The following SRP68 variants were observed in gnomAD, a reference collection of about 807,000 sequenced individuals.
The protein encoded by SRP68 is signal recognition particle subunit SRP68.
Under a neutral mutation model 82.2 loss-of-function variants are expected in SRP68, and 15 were observed. The ratio of observed to expected loss-of-function variants is 0.18; its 90% CI spans 0.12 to 0.28. The LOEUF is 0.28. Among genes scored for constraint, SRP68 ranks in the 10% least tolerant of loss-of-function variants. The pLI is 1.00. For missense variants in SRP68, 595 were observed against 780.5 expected (o/e 0.76, Z 2.83); for synonymous variants, 261 against 292.6 (o/e 0.89, Z 1.10).
In SRP68 at chr17:76,060,320, A is replaced by G. The variant is rs760283416; in HGVS notation, c.825T>C (p.Ala275=). ...LRSGGTEGLL[A]EKLEALITQT... Reference sequence around the variant, plus strand: ...CATACTAGATTACCTCCAATTTTTCAGCCAAGAGACCCTCAGTGCCCCCAG... The same window carrying G: ...CATACTAGATTACCTCCAATTTTTCGGCCAAGAGACCCTCAGTGCCCCCAG... The change falls in exon 7 of 16, where the codon GCT becomes GCC. Residue 275 remains alanine, a synonymous_variant. Coordinates refer to ENST00000307877, the MANE Select transcript of SRP68 (RefSeq NM_014230.4). 3 of 1,609,964 alleles carry G rather than the reference A, an allele frequency of 1.9e-6. No individual in the cohort carries two copies. The highest frequency in any genetic ancestry group is 2.5e-6 in the Non-Finnish European group (3 of 1,178,760).
At chr17:76,052,976 A>G (rs957526661) in intron 8 of SRP68, among the ~76,000 whole-genome samples, 1 of 148,368 alleles carries the variant, frequency 6.7e-6, no homozygotes, top group Non-Finnish European at 1.5e-5. Context: ...AGAAACACAC[A>G]TGGCGTCGGA....
intron 2 of SRP68, among the ~76,000 whole-genome samples, chr17:76,068,325 C>T (rs1006035437): frequency 6.7e-6 from 1 of 150,270 alleles, no homozygotes; most frequent in Non-Finnish European, 1.5e-5. Context: ...GCATGGCGGG[C>T]GGGCGCCTAT....
At chr17:76,055,115 C>G (rs1224112638) in intron 8 of SRP68, among the ~76,000 whole-genome samples, 1 of 151,662 alleles carries the variant, frequency 6.6e-6, no homozygotes, top group Admixed American at 6.6e-5. Flanking sequence ...TACCACCACA[C>G]CCGGCTAATT....
Position 76,041,061 on chromosome 17 carries a change from A to G in SRP68, c.1525-83T>C. 4 of 1,066,378 alleles carry G rather than the reference A, an allele frequency of 3.8e-6. No homozygotes were observed. In the South Asian group the frequency reaches 4.0e-5, roughly 11 times the overall value. The allele number at this position is 1,066,378 out of a possible 1,614,324, so 66.1% of individuals were successfully genotyped here. ...AAGCTAACCCGAGTTAACCGACCCC[A>G]CTGGTATTTTCACAGGACTTTAGAC... On this transcript the variant is annotated intron_variant, in intron 13 of 15. Transcript: ENST00000307877.
intron 14 of SRP68, 28 bp downstream of exon 14, chr17:76,040,875 G>A: frequency 6.2e-7 from 1 of 1,609,500 alleles, no homozygotes; most frequent in East Asian, 2.2e-5. Context: ...GGAAGTCTGG[G>A]GATACAAAGG....
At chr17:76,050,596 C>G (rs1049868586) in intron 8 of SRP68, 70 bp from the exon 9 acceptor site, 1 of 1,045,730 alleles carries the variant, frequency 9.6e-7, no homozygotes, top group Non-Finnish European at 1.5e-6. Flanking sequence ...GGGAGAGGAG[C>G]AAAATCGCAC....
At chr17:76,039,975 G>A (rs779573866) in intron 15 of SRP68, 42 bp from the exon 16 acceptor site, 2 of 1,590,822 alleles carry the variant, frequency 1.3e-6, no homozygotes, top group Admixed American at 3.5e-5. Flanking sequence ...ATCGGTCACA[G>A]AACACCCTTG....
In SRP68 at chr17:76,067,930, T is replaced by G. The variant is rs146195618; in HGVS notation, c.252-600A>C. Among the ~76,000 whole-genome samples the G allele has an allele frequency of 6.6e-5, 10 of 152,162 alleles. No homozygotes were observed. In the East Asian group the frequency reaches 1.9e-3, roughly 29 times the overall value. On this transcript the variant is annotated intron_variant, in intron 2 of 15. Transcript: ENST00000307877. ...CCAAGAAAACAAGGCAAATGTCAAG[T>G]TGAAAGGACATGGGTAATCATTCTC... is the stretch of plus-strand genomic sequence containing the variant.
rs2066771286 is a variant in SRP68, at chr17:76,062,716, T to TAC, written c.562-1143_562-1142insGT. Among the ~76,000 whole-genome samples, 4 of 54,364 alleles carry TAC rather than the reference T, an allele frequency of 7.4e-5. 2 individuals are homozygous for TAC. Among genetic ancestry groups the TAC allele is most frequent in the African/African-American group, 6.0e-4 (4 of 6,612 alleles). The allele number at this position is 54,364 out of a possible 152,430, so 35.7% of individuals were successfully genotyped here. A position where few individuals can be genotyped will look rare whatever the true frequency, so the allele number is the denominator to read the frequency against. On this transcript the variant is annotated intron_variant, in intron 4 of 15. Transcript: ENST00000307877. ...ATTATATATTGTATATTATACAATATATTATATTTATTTTATATATATATA... is the reference window on the plus strand; with the variant it reads ...ATTATATATTGTATATTATACAATATACATTATATTTATTTTATATATATATA...
At position 76,046,085 on chromosome 17, in the gene SRP68, A is replaced by G. The variant is rs56276889; in HGVS notation, c.1252T>C (p.Ser418Pro). 3 of 1,613,784 alleles carry G rather than the reference A, an allele frequency of 1.9e-6. No homozygotes were observed. The highest frequency in any genetic ancestry group is 2.5e-6 in the Non-Finnish European group (3 of 1,179,868). Residue 418 changes from serine to proline, a missense_variant, in exon 11 of 16, where the codon TCA becomes CCA. Ser to Pro is a moderately conservative substitution (Grantham distance 74, BLOSUM62 -1). Transcript: ENST00000307877. ...QQQPEDDSKR[S>P]PRPQDLIRLY... ...CGGATCAGGTCCTGGGGCCGGGGTG[A>G]GCGCTTGCTGTCATCCTCTGGCTGC...
intron 3 of SRP68, among the ~76,000 whole-genome samples, chr17:76,065,667 G>C (rs1003171944): frequency 6.6e-6 from 1 of 151,976 alleles, no homozygotes; most frequent in African/African-American, 2.4e-5. Context: ...TGCTTCCCCC[G>C]ACACAGAATG....
chr17:76,047,834 A>G (rs2066642804), intron 10 of SRP68, 72 bp downstream of exon 10: 5 of 782,704 alleles, frequency 6.4e-6, no homozygotes, highest in Non-Finnish European at 7.3e-6. Context: ...AATATACATA[A>G]ATATTACATA....
At chr17:76,060,560 G>A in intron 6 of SRP68, 170 bp from the exon 7 acceptor site, 5 of 574,438 alleles carry the variant, frequency 8.7e-6, no homozygotes, top group East Asian at 2.9e-5. Context: ...AAATTGACTG[G>A]GGCAATGAAA....
chr17:76,072,452 C>T lies in SRP68; in HGVS notation c.40G>A (p.Gly14Ser), dbSNP rs765398337. The change falls in exon 1 of 16, where the codon GGC (glycine) becomes AGC (serine). Residue 14 changes from glycine (G) to serine (S), a missense_variant. Physicochemically the swap from Gly to Ser is moderately conservative, Grantham distance 56 (BLOSUM62 0). Coordinates refer to ENST00000307877, the MANE Select transcript of SRP68 (RefSeq NM_014230.4). The surrounding 1 kb of genome is among the most constrained non-coding windows in gnomAD (Gnocchi z 4.5). ...EKQVPGGGGG[G>S]GSGGGGGSGG... Reference sequence around the variant, plus strand: ...CTGCCACCGCCGCCGCCACTGCCGCCGCCGCCGCCGCCGCCTGGGACCTGC... The same window carrying T: ...CTGCCACCGCCGCCGCCACTGCCGCTGCCGCCGCCGCCGCCTGGGACCTGC... 2.5e-6 allele frequency: 4 copies of T among 1,578,862 alleles called. No homozygotes were observed. In the South Asian group the frequency reaches 3.4e-5, roughly 13 times the overall value.
At chr17:76,040,502 A>T in intron 14 of SRP68, 28 bp from the exon 15 acceptor site, 1 of 1,609,478 alleles carries the variant, frequency 6.2e-7, no homozygotes, top group Non-Finnish European at 8.5e-7. Flanking sequence ...ATTCAGTAAG[A>T]ACAAGGATTT....
intron 15 of SRP68, 23 bp from the exon 16 acceptor site, chr17:76,039,956 G>A (rs528831884): frequency 5.0e-6 from 8 of 1,610,372 alleles, no homozygotes; most frequent in East Asian, 2.2e-5. Flanking sequence ...TCAAAGAGAC[G>A]TATGTAGCAT....
intron 7 of SRP68, 95 bp from the exon 8 acceptor site, chr17:76,057,638 C>G: frequency 7.4e-7 from 1 of 1,352,862 alleles, no homozygotes; most frequent in African/African-American, 1.4e-5. Flanking sequence ...CTTTGTATAA[C>G]CAACATATTA....
chr17:76,040,603 C>A, intron 14 of SRP68, 129 bp from the exon 15 acceptor site: 2 of 891,460 alleles, frequency 2.2e-6, no homozygotes, highest in Non-Finnish European at 3.6e-6. Context: ...GGAAGCCAGG[C>A]CTGTCTCCTG....
chr17:76,064,616 A>G (rs968185318), intron 3 of SRP68, among the ~76,000 whole-genome samples: 1 of 152,012 alleles, frequency 6.6e-6, no homozygotes, highest in African/African-American at 2.4e-5. Flanking sequence ...TGAGCCAGGC[A>G]TATCACCTGA....
Sources: allele counts gnomAD v4.1 joint callset (sites outside exome capture counted in the v4.1 genomes callset), GRCh38; gene constraint gnomAD v4.1.1; non-coding constraint Gnocchi (gnomAD v3.1); transcripts MANE v1.5; gene names NCBI Gene and HGNC (gene_info 2026-07-23, HGNC 2026-07-21).